The following SQLE variants were observed in gnomAD, a reference collection of about 807,000 sequenced individuals.
SQLE encodes the protein squalene monooxygenase.
A neutral mutation model predicts 60.7 loss-of-function variants in SQLE; 29 were observed. That is an observed-to-expected ratio of 0.48 (90% CI 0.36 to 0.65). SQLE has a LOEUF of 0.65. Ranked by LOEUF, SQLE falls within the 30% of genes least tolerant of loss-of-function variation. The pLI, the probability that SQLE is intolerant of heterozygous loss-of-function variation, is 0.00. For missense variants in SQLE, 605 were observed against 684.1 expected (o/e 0.88, Z 1.29); for synonymous variants, 237 against 246.8 (o/e 0.96, Z 0.37).
At chr8:125,003,770 T>C (rs1305175988) in intron 2 of SQLE, among the ~76,000 whole-genome samples, 1 of 152,102 alleles carries the variant, frequency 6.6e-6, no homozygotes, top group Non-Finnish European at 1.5e-5. Context: ...CTTGTTACAG[T>C]GTTATTACTT....
intron 7 of SQLE, among the ~76,000 whole-genome samples, chr8:125,017,060 G>A (rs1462933808): frequency 6.6e-6 from 1 of 152,100 alleles, no homozygotes. Context: ...CGTGTGCTGA[G>A]TCAGACCTGA....
chr8:125,005,451 T>G, intron 2 of SQLE, 74 bp from the exon 3 acceptor site: 1 of 1,319,724 alleles, frequency 7.6e-7, no homozygotes, highest in South Asian at 1.8e-5. Flanking sequence ...GATGTGTGTG[T>G]GTCTTCTTTG....
Position 124,999,618 on chromosome 8 carries a change from G to T in SQLE, c.215G>T (p.Gly72Val), listed in dbSNP as rs770592089. 6.2e-7 allele frequency: 1 copy of T among 1,613,312 alleles called. No individual in the cohort carries two copies. Among genetic ancestry groups the T allele is most frequent in the Non-Finnish European group, 8.5e-7 (1 of 1,179,690 alleles). The stretch of plus-strand genomic sequence containing the variant: ...GCCCTCTTCTCGGATATTCTCTCAG[G>T]CCTGCCTTTCATTGGCTTCTTCTGG... ...QFALFSDILS[G>V]LPFIGFFWAK... Residue 72 changes from glycine (G) to valine (V), a missense_variant, in exon 1 of 11, where the codon GGC (glycine) becomes GTC (valine). By Grantham distance (109) the Gly-to-Val change is moderately radical. Coordinates refer to ENST00000265896, the MANE Select transcript of SQLE (RefSeq NM_003129.4).
chr8:125,021,867 T>C lies in SQLE; in HGVS notation c.1647T>C (p.Ser549=), dbSNP rs1250419787. 1.9e-6 allele frequency: 3 copies of C among 1,611,206 alleles called. No homozygotes were observed. Among genetic ancestry groups the C allele is most frequent in the South Asian group, 1.1e-5 (1 of 90,538 alleles). ...TTACAAAACCTCGAGCCCTTCTCAG[T>C]AGTGGTGCTGTATTGTACAAAGCGT... The part of the protein sequence containing the change: ...PWITKPRALL[S]SGAVLYKACS... Residue 549 remains serine (S), a synonymous_variant, in exon 11 of 11, where the codon AGT becomes AGC. Coordinates refer to ENST00000265896, the MANE Select transcript of SQLE (RefSeq NM_003129.4).
At chr8:125,007,307 G>A (rs544512788) in intron 3 of SQLE, 84 bp from the exon 4 acceptor site, 2 of 994,132 alleles carry the variant, frequency 2.0e-6, no homozygotes, top group Admixed American at 5.3e-5. Context: ...AGTTTATATG[G>A]ATAAACTGGA....
intron 7 of SQLE, 44 bp from the exon 8 acceptor site, chr8:125,018,015 C>T (rs1350830927): frequency 1.9e-6 from 3 of 1,597,748 alleles, no homozygotes; most frequent in Admixed American, 3.6e-5. Flanking sequence ...TGTTTTGTCT[C>T]AAGGGATGCT....
At chr8:125,014,730 C>T (rs1815085806) in intron 7 of SQLE, among the ~76,000 whole-genome samples, 1 of 152,192 alleles carries the variant, frequency 6.6e-6, no homozygotes, top group African/African-American at 2.4e-5. Flanking sequence ...CAAAGTTCCT[C>T]ATAGTACTGA....
At position 125,021,750 on chromosome 8, in the gene SQLE, C is replaced by G; in HGVS notation, c.1533-3C>G. 1 of 1,583,472 alleles carries G rather than the reference C, an allele frequency of 6.3e-7. No homozygotes were observed. The highest frequency in any genetic ancestry group is 8.6e-7 in the Non-Finnish European group (1 of 1,163,940). On this transcript the variant is annotated splice_polypyrimidine_tract_variant and splice_region_variant and intron_variant, in intron 10 of 10. Transcript: ENST00000265896. ...TACCAATATGTATTTTTTTCTATTA[C>G]AGATTGTCTCCTAACCCTCTAGTTT...
chr8:125,007,395 A>G lies in SQLE; in HGVS notation c.730A>G (p.Lys244Glu). 1 of 1,543,526 alleles carries G rather than the reference A, an allele frequency of 6.5e-7. No homozygotes were observed. The highest frequency in any genetic ancestry group is 8.7e-7 in the Non-Finnish European group (1 of 1,143,322). ...GTATTTTTTTTTATTCTTTAGTGCA[A>G]AGTTTATTGAAGGTGTTGTGTTACA... ...RKAAMAEPNA[K>E]FIEGVVLQLL... Residue 244 changes from lysine to glutamate, a missense_variant, in exon 4 of 11, where the codon AAG becomes GAG. By Grantham distance (56) the Lys-to-Glu change is moderately conservative (BLOSUM62 1). Transcript: ENST00000265896.
At chr8:125,010,883 A>T (rs1815029747) in intron 6 of SQLE, 3 of 151,552 alleles carry the variant, frequency 2.0e-5, no homozygotes, top group Admixed American at 2.0e-4. Context: ...GATTACCAAA[A>T]TTCTACTCCT....
chr8:125,018,454 G>A (rs1306435812), intron 8 of SQLE, among the ~76,000 whole-genome samples, 177 bp from the exon 9 acceptor site: 1 of 152,150 alleles, frequency 6.6e-6, no homozygotes, highest in Non-Finnish European at 1.5e-5. Context: ...TAGCTTCAGT[G>A]TCATATAACC....
intron 4 of SQLE, among the ~76,000 whole-genome samples, chr8:125,007,982 C>T (rs1237519224): frequency 1.3e-5 from 2 of 152,140 alleles, no homozygotes; most frequent in Non-Finnish European, 2.9e-5. Flanking sequence ...GGAAAGAAGG[C>T]AAGATTCAAC....
Position 125,016,904 on chromosome 8 carries a change from C to G in SQLE, c.1205-1155C>G, listed in dbSNP as rs1815119648. On this transcript the variant is annotated intron_variant, in intron 7 of 10. Transcript: ENST00000265896. The surrounding 1 kb of genome is among the most constrained non-coding windows in gnomAD (Gnocchi z 4.1). ...CCGCCTTGGTGGTCTTGGGTAATATCTGGGAGAATTCCCTGGATTATCAGG... is the reference window on the plus strand; with the variant it reads ...CCGCCTTGGTGGTCTTGGGTAATATGTGGGAGAATTCCCTGGATTATCAGG... Among the ~76,000 whole-genome samples the G allele has an allele frequency of 1.3e-5, 2 of 152,178 alleles. No homozygotes were observed. Among genetic ancestry groups the G allele is most frequent in the South Asian group, 4.1e-4 (2 of 4,830 alleles).
chr8:125,013,356 C>CTTTTTT (rs1554588049), intron 7 of SQLE, among the ~76,000 whole-genome samples: 2 of 136,430 alleles, frequency 1.5e-5, no homozygotes, highest in African/African-American at 2.8e-5. Flanking sequence ...TTTTCTTTTT[C>CTTTTTT]TTTTTTTTTT....
At chr8:125,008,893 AC>A (rs1367709074) in intron 4 of SQLE, 77 bp from the exon 5 acceptor site, 7 of 962,374 alleles carry the variant, frequency 7.3e-6, no homozygotes, top group African/African-American at 6.6e-5. Context: ...AAATCTCTTC[AC>A]GCACATTTTT....
In SQLE at chr8:125,005,589, A is replaced by G; in HGVS notation, c.609A>G (p.Lys203=). ...NGYMIHDQES[K]SEVQIPYPLS... ...ACATGATTCATGATCAGGAAAGCAA[A>G]TCAGAGGTTCAGATTCCTTACCCTC... is the stretch of plus-strand genomic sequence containing the variant. Residue 203 remains lysine (K), a synonymous_variant, in exon 3 of 11, where the codon AAA becomes AAG. Transcript: ENST00000265896. 2 of 1,612,172 alleles carry G rather than the reference A, an allele frequency of 1.2e-6. No individual in the cohort carries two copies. The highest frequency in any genetic ancestry group is 2.2e-5 in the South Asian group (2 of 90,774).
chr8:125,011,144 T>G (rs1815034929), intron 6 of SQLE: 1 of 153,992 alleles, frequency 6.5e-6, no homozygotes, highest in South Asian at 2.0e-4. Context: ...GAATTGGTAG[T>G]GTATTTCATC....
intron 7 of SQLE, among the ~76,000 whole-genome samples, chr8:125,015,901 A>G (rs6470327): frequency 0.38 from 58,290 of 151,940 alleles, 13,189 homozygotes; most frequent in African/African-American, 0.62. Flanking sequence ...CTTTTCCTTC[A>G]GCACTTTCAG....
intron 2 of SQLE, among the ~76,000 whole-genome samples, chr8:125,005,237 G>A (rs931558403): frequency 2.0e-5 from 3 of 152,182 alleles, no homozygotes; most frequent in Non-Finnish European, 4.4e-5. Context: ...GTTTACTCAG[G>A]AGAGGATTAT....
Sources: allele counts gnomAD v4.1 joint callset (sites outside exome capture counted in the v4.1 genomes callset), GRCh38; gene constraint gnomAD v4.1.1; non-coding constraint Gnocchi (gnomAD v3.1); transcripts MANE v1.5; gene names NCBI Gene and HGNC (gene_info 2026-07-23, HGNC 2026-07-21).